The following ADSL variants were observed in gnomAD, a reference collection of about 807,000 sequenced individuals.
The protein encoded by ADSL is adenylosuccinate lyase, also known as adenylosuccinase.
Under a neutral mutation model 62.1 loss-of-function variants are expected in ADSL, and 44 were observed. That is an observed-to-expected ratio of 0.71 (90% CI 0.56 to 0.91). The LOEUF (loss-of-function observed/expected upper bound fraction) is 0.91, where lower values mean the gene tolerates loss of function less well. Among genes scored for constraint, ADSL ranks in the 40% least tolerant of loss-of-function variants. The probability of loss-of-function intolerance (pLI) is 0.00; values close to 1 mark genes in which losing one functional copy is unlikely to be tolerated. For synonymous variants in ADSL, 198 were observed against 220.5 expected, an observed-to-expected ratio of 0.90 and a Z score of 0.90; for missense variants, 531 against 627.4, an observed-to-expected ratio of 0.85 and a Z score of 1.64.
At chr22:40,373,504 A>G (rs1421625986), downstream of ADSL, 2 of 152,368 alleles carry the variant, frequency 1.3e-5, no homozygotes, top group East Asian at 3.9e-4. Context: ...CTAGACTTAT[A>G]AAGACGGCTA....
At chr22:40,376,608 A>G (rs1207672715) in intron 2 of ADSL, 1 of 152,174 alleles carries the variant, frequency 6.6e-6, no homozygotes, top group Non-Finnish European at 1.5e-5. Context: ...TAAGAATTTT[A>G]TTTGTATTAA....
rs140064577 is a variant in ADSL at position 40,346,574 on chromosome 22, G to C, written c.16G>C (p.Asp6His). Residue 6 changes from aspartate (D) to histidine (H), a missense_variant, in exon 1 of 13, where the codon GAT becomes CAT. Physicochemically the swap from Asp to His is moderately conservative, Grantham distance 81. Around this residue, in one of 2 missense-constraint regions of ADSL, gnomAD observed 60 missense variants for 34.5 expected, o/e 1.74. Transcript: ENST00000623063. MAAGG[D>H]HGSPDSYRSP... ...CAGGGTTGGGATGGCGGCTGGAGGC[G>C]ATCATGGTTCGCCCGACAGCTACCG... is the stretch of plus-strand genomic sequence containing the variant. 1.5e-5 allele frequency: 24 copies of C among 1,605,170 alleles called. No homozygotes were observed. Among genetic ancestry groups the C allele is most frequent in the African/African-American group, 1.5e-4 (11 of 74,846 alleles).
chr22:40,365,497 T>C (rs1011217922), intron 12 of ADSL, among the ~76,000 whole-genome samples: 7 of 152,206 alleles, frequency 4.6e-5, no homozygotes, highest in African/African-American at 1.4e-4. Flanking sequence ...ATCTCAGTGT[T>C]GTAATGATTG....
chr22:40,379,058 A>G (rs923143886), intron 2 of ADSL, among the ~76,000 whole-genome samples: 2 of 152,142 alleles, frequency 1.3e-5, no homozygotes, highest in Non-Finnish European at 2.9e-5. Flanking sequence ...GAAAGTGCCT[A>G]TGGTTCTTCC....
chr22:40,369,821 T>C (rs1359741967), downstream of ADSL, among the ~76,000 whole-genome samples: 2 of 152,168 alleles, frequency 1.3e-5, no homozygotes, highest in African/African-American at 4.8e-5. Context: ...TGATGAAATG[T>C]CTGCTCAGCT....
chr22:40,387,091 T>A, intron 2 of ADSL: 1 of 395,828 alleles, frequency 2.5e-6, no homozygotes, highest in East Asian at 3.6e-5. Context: ...GTTGTGCTAG[T>A]CAGTATGGTA....
chr22:40,348,058 A>G (rs966675578), intron 1 of ADSL, among the ~76,000 whole-genome samples: 34 of 152,224 alleles, frequency 2.2e-4, no homozygotes, highest in Non-Finnish European at 4.6e-4. Context: ...TAAAATGCAT[A>G]CAATTTTGGC....
At chr22:40,364,451 GT>G in intron 11 of ADSL, 86 bp downstream of exon 11, 1 of 1,141,498 alleles carries the variant, frequency 8.8e-7, no homozygotes, top group Non-Finnish European at 1.3e-6. Flanking sequence ...AGATGAAGGT[GT>G]TTATGTCATT....
At chr22:40,369,455 A>G (rs1429870845), downstream of ADSL, 1 of 147,810 alleles carries the variant, frequency 6.8e-6, no homozygotes, top group African/African-American at 2.5e-5. Flanking sequence ...TATATATTAT[A>G]TATAATATAC....
At position 40,362,982 on chromosome 22, in the gene ADSL, C is replaced by T. The variant is rs769607090; in HGVS notation, c.1012C>T (p.Arg338Trp). The change falls in exon 10 of 13, where the codon CGG (arginine) becomes TGG (tryptophan). Residue 338 changes from arginine to tryptophan, a missense_variant and splice_region_variant. By Grantham distance (101) the Arg-to-Trp change is moderately radical. Around this residue, in one of 2 missense-constraint regions of ADSL, gnomAD observed 471 missense variants for 592.9 expected, o/e 0.79. Coordinates refer to ENST00000623063, the MANE Select transcript of ADSL (RefSeq NM_000026.4). The stretch of plus-strand genomic sequence containing the variant: ...ACTGAATGGCTATTTGTTTTCTAGA[C>T]GGATCTGTTTGGCCGAGGCATTTCT... ...ERTLDDSANR[R>W]ICLAEAFLTA... The T allele has an allele frequency of 8.7e-6, 14 of 1,612,838 alleles. No individual in the cohort carries two copies. Among genetic ancestry groups the T allele is most frequent in the African/African-American group, 2.7e-5 (2 of 74,896 alleles).
rs948716076 is a variant in ADSL, at chr22:40,379,867, G to A, written c.90-10363G>A. ...TGGGACTACAGATTTGCACCACCAC[G>A]CCCAGCTAATTTTTGTATTTTTTTG... On this transcript the variant is annotated intron_variant, in intron 2 of 2. Transcript: ENST00000498234. Among the ~76,000 whole-genome samples, 9 of 151,968 alleles carry A rather than the reference G, an allele frequency of 5.9e-5. 1 individual carries two copies. Among genetic ancestry groups the A allele is most frequent in the Non-Finnish European group, 1.3e-4 (9 of 67,994 alleles).
intron 2 of ADSL, among the ~76,000 whole-genome samples, chr22:40,351,328 G>A (rs778643014): frequency 3.3e-5 from 5 of 151,734 alleles, no homozygotes; most frequent in African/African-American, 7.3e-5. Flanking sequence ...CTGCCGCCAC[G>A]CCCAGCTAAT....
At position 40,346,590 on chromosome 22, in the gene ADSL, A is replaced by C; in HGVS notation, c.32A>C (p.Asp11Ala). ...GCTGGAGGCGATCATGGTTCGCCCG[A>C]CAGCTACCGCTCACCTCTTGCCTCC... The part of the protein sequence containing the change: MAAGGDHGSP[D>A]SYRSPLASRY... Residue 11 changes from aspartate (D) to alanine (A), a missense_variant, in exon 1 of 13, where the codon GAC becomes GCC. Physicochemically the swap from Asp to Ala is moderately radical, Grantham distance 126. This residue lies in a region of ADSL where 60 missense variants were observed against 34.5 expected (regional missense o/e 1.74). Transcript: ENST00000623063. 5 of 1,606,692 alleles carry C rather than the reference A, an allele frequency of 3.1e-6. No homozygotes were observed. The highest frequency in any genetic ancestry group is 4.2e-6 in the Non-Finnish European group (5 of 1,177,294).
At chr22:40,369,845 T>C (rs1381887739), downstream of ADSL, among the ~76,000 whole-genome samples, 1 of 152,154 alleles carries the variant, frequency 6.6e-6, no homozygotes, top group Non-Finnish European at 1.5e-5. Context: ...GTCAGACACC[T>C]GGACACTTAA....
intron 3 of ADSL, chr22:40,353,682 G>C: frequency 3.3e-6 from 1 of 300,312 alleles, no homozygotes; most frequent in South Asian, 3.3e-5. Flanking sequence ...CTGGAGTGCA[G>C]TGGCACAGTC....
intron 11 of ADSL, 47 bp downstream of exon 11, chr22:40,364,412 G>GTCCTGCTCTCTTC (rs1482600805): frequency 1.3e-6 from 2 of 1,515,944 alleles, no homozygotes; most frequent in South Asian, 2.3e-5. Flanking sequence ...TGCACGTTTG[G>GTCCTGCTCTCTTC]TCCTGCTCTC....
chr22:40,376,940 G>A (rs777600867), intron 2 of ADSL, among the ~76,000 whole-genome samples: 3 of 152,120 alleles, frequency 2.0e-5, no homozygotes, highest in Non-Finnish European at 2.9e-5. Context: ...GATTGTCATA[G>A]GAATAACCAA....
In ADSL at chr22:40,366,518, T is replaced by C. The variant is rs775193778; in HGVS notation, c.1451T>C (p.Leu484Pro). 6.2e-7 allele frequency: 1 copy of C among 1,607,690 alleles called. No homozygotes were observed. Among genetic ancestry groups the C allele is most frequent in the Non-Finnish European group, 8.5e-7 (1 of 1,174,200 alleles). The change falls in exon 13 of 13, where the codon CTG (leucine) becomes CCG (proline). Residue 484 changes from leucine (L) to proline (P), a missense_variant. By Grantham distance (98) the Leu-to-Pro change is moderately conservative. Coordinates refer to ENST00000623063, the MANE Select transcript of ADSL (RefSeq NM_000026.4). The part of the protein sequence containing the change: ...SVMKVKAELC[L>P] ...ATGAAGGTGAAAGCAGAATTATGTC[T>C]GTAGAGTTGGAAGAGAATTAAACGA...
intron 1 of ADSL, 56 bp downstream of exon 1, chr22:40,346,767 G>C: frequency 6.5e-7 from 1 of 1,536,946 alleles, no homozygotes; most frequent in Non-Finnish European, 8.8e-7. Context: ...GCCCCAGCAC[G>C]TGCCGGGCTC....
Sources: gnomAD v4.1 joint callset for allele counts (sites outside exome capture counted in the v4.1 genomes callset) on GRCh38, gnomAD v4.1.1 for gene constraint, gnomAD v4.1.1 regional missense constraint, MANE v1.5 for transcripts, NCBI Gene and HGNC (gene_info 2026-07-23, HGNC 2026-07-21) for gene names.